OR3A3: variants seen among roughly 807,000 people sequenced by gnomAD.
OR3A3 encodes olfactory receptor family 3 subfamily A member 3.
For missense variants in OR3A3, 275 were observed against 391.4 expected (o/e 0.70, Z 2.51); for synonymous variants, 103 against 163.9 (o/e 0.63, Z 2.84).
chr17:3,412,440 G>C (rs562621756), intron 2 of OR3A3, among the ~76,000 whole-genome samples: 1 of 147,368 alleles, frequency 6.8e-6, no homozygotes, highest in Non-Finnish European at 1.5e-5. Flanking sequence ...ATCAGGCAGC[G>C]GGGAACCCTC....
In OR3A3 at chr17:3,421,471, A is replaced by T. The variant is rs761130731; in HGVS notation, c.886A>T (p.Arg296Ter). The T allele has an allele frequency of 6.4e-7, 1 of 1,574,744 alleles. No individual in the cohort carries two copies. Among genetic ancestry groups the T allele is most frequent in the Admixed American group, 1.8e-5 (1 of 56,048 alleles). ...GCTGAACCCACTTATCTACAGCCTCAGAAATACTGATGTTCAGGGCGCTCT... is the reference window on the plus strand; with the variant it reads ...GCTGAACCCACTTATCTACAGCCTCTGAAATACTGATGTTCAGGGCGCTCT... Residue 296 changes from arginine (R) to a stop codon, truncating the protein, a stop_gained, in exon 3 of 3, where the codon AGA (arginine) becomes TGA (stop). Transcript: ENST00000641141. LOFTEE classifies it low-confidence loss of function (END_TRUNC).
At chr17:3,413,578 G>C in intron 2 of OR3A3, among the ~76,000 whole-genome samples, 1 of 152,090 alleles carries the variant, frequency 6.6e-6, no homozygotes, top group East Asian at 1.9e-4. Context: ...ACTTTGGGAG[G>C]CCGAGGTGGG....
exon 3 of OR3A3, chr17:3,421,494 T>A: frequency 6.5e-7 from 1 of 1,548,792 alleles, no homozygotes; most frequent in Non-Finnish European, 8.7e-7. Context: ...TTCAGGGCGC[T>A]CTGTGTCAGC....
intron 2 of OR3A3, among the ~76,000 whole-genome samples, chr17:3,414,238 A>AT (rs1348436749): frequency 1.3e-5 from 2 of 151,950 alleles, no homozygotes; most frequent in African/African-American, 2.4e-5. Flanking sequence ...CACCGGACTA[A>AT]TTTTTTGTAT....
chr17:3,413,427 G>A (rs556039602), intron 2 of OR3A3, among the ~76,000 whole-genome samples: 7 of 152,254 alleles, frequency 4.6e-5, no homozygotes, highest in Admixed American at 3.9e-4. Flanking sequence ...CCACTGATTT[G>A]CCAATTTGCA....
intron 2 of OR3A3, among the ~76,000 whole-genome samples, chr17:3,419,672 A>G (rs1038852577): frequency 5.3e-5 from 8 of 152,102 alleles, no homozygotes; most frequent in Non-Finnish European, 1.2e-4. Context: ...AATTATTAAA[A>G]TGTAATCTGC....
intron 2 of OR3A3, among the ~76,000 whole-genome samples, chr17:3,413,928 G>A (rs1362708355): frequency 2.6e-5 from 4 of 151,840 alleles, no homozygotes; most frequent in South Asian, 2.1e-4. Context: ...CAGCTTCCCC[G>A]TGGCCTGAGC....
chr17:3,421,610 T>G (rs986312137), exon 3 of OR3A3: 1 of 1,487,012 alleles, frequency 6.7e-7, no homozygotes, highest in Non-Finnish European at 9.0e-7. Context: ...ACCTTGTTTA[T>G]AACCATTATT....
chr17:3,414,460 G>A (rs2072379468), intron 2 of OR3A3, among the ~76,000 whole-genome samples: 1 of 152,196 alleles, frequency 6.6e-6, no homozygotes, highest in Non-Finnish European at 1.5e-5. Context: ...AGCGAGGAAT[G>A]AATGCCCGGT....
intron 2 of OR3A3, among the ~76,000 whole-genome samples, chr17:3,416,983 C>A (rs915763446): frequency 2.0e-5 from 3 of 152,066 alleles, no homozygotes; most frequent in African/African-American, 7.2e-5. Flanking sequence ...TCCTTCCCCT[C>A]ACCCTTCCCA....
chr17:3,416,739 T>C (rs1331628812), intron 2 of OR3A3, among the ~76,000 whole-genome samples: 5 of 152,104 alleles, frequency 3.3e-5, no homozygotes, highest in African/African-American at 4.8e-5. Flanking sequence ...GGGAGTACAC[T>C]GTGATGTGTG....
exon 3 of OR3A3, chr17:3,421,324 C>G (rs1284828443): frequency 1.2e-6 from 2 of 1,614,102 alleles, no homozygotes; most frequent in Non-Finnish European, 1.7e-6. Flanking sequence ...ATGTGGCTCC[C>G]ACCTCACTGT....
At chr17:3,415,212 A>G (rs573792010) in intron 2 of OR3A3, among the ~76,000 whole-genome samples, 1 of 151,926 alleles carries the variant, frequency 6.6e-6, no homozygotes, top group South Asian at 2.1e-4. Context: ...ATATTATCGT[A>G]TATTATTTTT....
chr17:3,420,743 T>G (rs1032852902), exon 3 of OR3A3: 7 of 1,394,998 alleles, frequency 5.0e-6, no homozygotes, highest in Non-Finnish European at 6.8e-6. Context: ...GCAGCCGTCT[T>G]GGTGGAGCCC....
exon 3 of OR3A3, chr17:3,421,399 G>C: frequency 1.9e-6 from 3 of 1,614,126 alleles, no homozygotes; most frequent in Non-Finnish European, 1.7e-6. Flanking sequence ...GGAATCTTCA[G>C]ACAAGGATAA....
intron 2 of OR3A3, among the ~76,000 whole-genome samples, chr17:3,412,930 C>A (rs1030689148): frequency 3.9e-5 from 6 of 152,298 alleles, no homozygotes; most frequent in Middle Eastern, 3.4e-3. Flanking sequence ...ATTAATGTGT[C>A]CGGAAAGTCT....
intron 2 of OR3A3, among the ~76,000 whole-genome samples, chr17:3,417,374 A>G (rs2150681142): frequency 6.6e-6 from 1 of 152,198 alleles, no homozygotes; most frequent in South Asian, 2.1e-4. Context: ...TACCTACACC[A>G]TCTCTACATG....
intron 2 of OR3A3, among the ~76,000 whole-genome samples, chr17:3,419,198 C>T (rs16953025): frequency 0.16 from 24,576 of 152,152 alleles, 2,412 homozygotes; most frequent in East Asian, 0.35. Context: ...ATAGTGTGGT[C>T]CCTCTCTTTG....
chr17:3,418,836 T>C (rs1305661126), intron 2 of OR3A3, among the ~76,000 whole-genome samples: 2 of 152,196 alleles, frequency 1.3e-5, no homozygotes, highest in African/African-American at 2.4e-5. Flanking sequence ...CTCTAGTCAA[T>C]AAAGACATTG....
Sources: allele counts gnomAD v4.1 joint callset (sites outside exome capture counted in the v4.1 genomes callset), GRCh38; gene constraint gnomAD v4.1.1; transcripts MANE v1.5; gene names NCBI Gene and HGNC (gene_info 2026-07-23, HGNC 2026-07-21).